The following FMNL3 variants were observed in gnomAD, a reference collection of about 807,000 sequenced individuals.
FMNL3 encodes the protein formin-like protein 3.
In FMNL3, 57 loss-of-function variants were observed where a neutral mutation model predicts 119.6. That is an observed-to-expected ratio of 0.48 (90% CI 0.39 to 0.59). FMNL3 has a LOEUF of 0.59. Among genes scored for constraint, FMNL3 ranks in the 20% least tolerant of loss-of-function variants. The pLI, the probability that FMNL3 is intolerant of heterozygous loss-of-function variation, is 0.00. For missense variants in FMNL3, 1,053 were observed against 1,323.5 expected, an observed-to-expected ratio of 0.80 and a Z score of 3.17; for synonymous variants, 491 against 507.3, an observed-to-expected ratio of 0.97 and a Z score of 0.43.
At chr12:49,651,048 T>C (rs1010608134) in intron 16 of FMNL3, 120 bp downstream of exon 16, 8 of 1,485,470 alleles carry the variant, frequency 5.4e-6, no homozygotes, top group Non-Finnish European at 7.4e-6. Context: ...GAATGAAGGG[T>C]TGGTGGAGCT....
At position 49,640,808 on chromosome 12, in the gene FMNL3, T is replaced by C. The variant is rs1283425092; in HGVS notation, c.*5007A>G. ...ATGGAAAAGAGCAGAGGTAGTTAGC[T>C]TGATGAAGGGGAGAGCATGGTGGAA... is the stretch of plus-strand genomic sequence containing the variant. On this transcript the variant is annotated 3_prime_UTR_variant, in exon 26 of 26. Coordinates refer to ENST00000335154, the MANE Select transcript of FMNL3 (RefSeq NM_175736.5). 3 of 152,232 alleles carry C rather than the reference T, an allele frequency of 2.0e-5. No individual in the cohort carries two copies. The highest frequency in any genetic ancestry group is 4.4e-5 in the Non-Finnish European group (3 of 68,046). The allele number at this position is 152,232 out of a possible 1,614,324, so 9.4% of individuals were successfully genotyped here.
At chr12:49,657,538 C>T (rs1943608671) in intron 6 of FMNL3, among the ~76,000 whole-genome samples, 1 of 152,178 alleles carries the variant, frequency 6.6e-6, no homozygotes, top group Non-Finnish European at 1.5e-5. Flanking sequence ...CACCCACTTC[C>T]AGTTGCTGCA....
intron 1 of FMNL3, among the ~76,000 whole-genome samples, chr12:49,701,078 C>CAAAAAAA (rs61171112): frequency 2.6e-5 from 2 of 75,990 alleles, no homozygotes; most frequent in African/African-American, 3.8e-5. Context: ...GACTCCATCT[C>CAAAAAAA]AAAAAAAAAA....
chr12:49,637,449 A>G lies in FMNL3; in HGVS notation c.*8366T>C, dbSNP rs369877812. ...TGCCTCCCTGTCTCACTCTCCCTAT[A>G]ACTGGCCTCTCCCTGCTCAGACCTT... On this transcript the variant is annotated 3_prime_UTR_variant, in exon 26 of 26. Transcript: ENST00000335154. 65 of 1,571,072 alleles carry G rather than the reference A, an allele frequency of 4.1e-5. 1 individual carries two copies. In the South Asian group the frequency reaches 6.5e-4, roughly 16 times the overall value.
intron 1 of FMNL3, among the ~76,000 whole-genome samples, chr12:49,675,979 A>G (rs1465999512): frequency 1.3e-5 from 2 of 151,952 alleles, no homozygotes; most frequent in East Asian, 3.9e-4. Flanking sequence ...TAACCCTAGG[A>G]TTTGCTTGTG....
chr12:49,660,399 T>C (rs1943697808), intron 5 of FMNL3, among the ~76,000 whole-genome samples: 1 of 152,234 alleles, frequency 6.6e-6, no homozygotes, highest in African/African-American at 2.4e-5. Flanking sequence ...CTATAAAAGC[T>C]CTGAATTTTT....
At chr12:49,661,425 T>C (rs1943729522) in intron 5 of FMNL3, among the ~76,000 whole-genome samples, 1 of 152,226 alleles carries the variant, frequency 6.6e-6, no homozygotes. Context: ...GGCCGCCTTT[T>C]CTGTGCTAAC....
In FMNL3 at chr12:49,649,923, A is replaced by T; in HGVS notation, c.2003T>A (p.Phe668Tyr). 1 of 1,612,962 alleles carries T rather than the reference A, an allele frequency of 6.2e-7. No individual in the cohort carries two copies. The highest frequency in any genetic ancestry group is 1.1e-5 in the South Asian group (1 of 91,026). ...GTCCACAGGTAGTGTCTGCAAGTCA[A>T]ACCTGTGGAGGAGGGAGGGACCACC... is the stretch of plus-strand genomic sequence containing the variant. Reference protein sequence around the residue: ...AEEICRAIHTFDLQTLPVDFV... With the variant: ...AEEICRAIHTYDLQTLPVDFV... The change falls in exon 18 of 26, where the codon TTT (phenylalanine) becomes TAT (tyrosine). Residue 668 changes from phenylalanine to tyrosine, a missense_variant and splice_region_variant. Physicochemically the swap from Phe to Tyr is conservative, Grantham distance 22 (BLOSUM62 3). This residue lies in a region of FMNL3 where 445 missense variants were observed against 628.4 expected (regional missense o/e 0.71). Coordinates refer to ENST00000335154, the MANE Select transcript of FMNL3 (RefSeq NM_175736.5). The surrounding 1 kb of genome is among the most constrained non-coding windows in gnomAD (Gnocchi z 5.6).
Position 49,644,170 on chromosome 12 carries a change from A to C in FMNL3, c.*1645T>G. The C allele has an allele frequency of 1.9e-6, 3 of 1,614,118 alleles. No individual in the cohort carries two copies. Among genetic ancestry groups the C allele is most frequent in the Non-Finnish European group, 2.5e-6 (3 of 1,180,034 alleles). On this transcript the variant is annotated 3_prime_UTR_variant, in exon 26 of 26. Transcript: ENST00000335154. Reference sequence around the variant, plus strand: ...GAGAGGCGGCGGCGGACACTCCTACAGCAGCTGGATGATCACCAGTGACCC... The same window carrying C: ...GAGAGGCGGCGGCGGACACTCCTACCGCAGCTGGATGATCACCAGTGACCC...
At chr12:49,670,888 T>C (rs892796637) in intron 1 of FMNL3, among the ~76,000 whole-genome samples, 2 of 152,234 alleles carry the variant, frequency 1.3e-5, no homozygotes, top group Non-Finnish European at 2.9e-5. Context: ...AGCCTAACTG[T>C]GGCCAGGCTG....
chr12:49,636,514 T>G lies in FMNL3; in HGVS notation c.*9301A>C, dbSNP rs769334763. The G allele has an allele frequency of 1.2e-5, 7 of 565,036 alleles. No homozygotes were observed. The highest frequency in any genetic ancestry group is 1.8e-5 in the Non-Finnish European group (6 of 324,368). 35.0% of individuals were successfully genotyped at this position (565,036 alleles called of 1,614,324 possible). A position where few individuals can be genotyped will look rare whatever the true frequency, so the allele number is the denominator to read the frequency against. ...TCACAAGAGCTGAATACTTGCTTAT[T>G]TATTCTTATACAATTAATGATCCCC... On this transcript the variant is annotated 3_prime_UTR_variant, in exon 26 of 26. Transcript: ENST00000335154.
Position 49,691,728 on chromosome 12 carries a change from T to C in FMNL3, c.126+15327A>G, listed in dbSNP as rs533022747. 5.3e-5 allele frequency among the ~76,000 whole-genome samples: 8 copies of C among 152,130 alleles called. No homozygotes were observed. The East Asian group carries it at 1.5e-3, about 29-fold the overall frequency. ...GAAAAGTAAGAGAGGAGCCTTTTTT[T>C]TCCCCCCATTAAAAGTTGGGTCTGG... is the stretch of plus-strand genomic sequence containing the variant. On this transcript the variant is annotated intron_variant, in intron 1 of 25. Transcript: ENST00000335154.
At chr12:49,677,489 A>C (rs533960908) in intron 1 of FMNL3, among the ~76,000 whole-genome samples, 34 of 152,366 alleles carry the variant, frequency 2.2e-4, no homozygotes, top group Admixed American at 7.8e-4. Flanking sequence ...TACTTACCCC[A>C]TAGTGTTGCT....
chr12:49,698,207 T>C (rs952241882), intron 1 of FMNL3, among the ~76,000 whole-genome samples: 2 of 152,172 alleles, frequency 1.3e-5, no homozygotes, highest in Non-Finnish European at 2.9e-5. Flanking sequence ...GTATCTTCCC[T>C]GTTGGTGTGT....
At chr12:49,653,394 CTA>C in intron 12 of FMNL3, 67 bp from the exon 13 acceptor site, 1 of 1,524,972 alleles carries the variant, frequency 6.6e-7, no homozygotes, top group South Asian at 1.1e-5. Flanking sequence ...AGCCTGAACC[CTA>C]GTCAAGACCT....
At chr12:49,699,571 CG>C (rs1944846094) in intron 1 of FMNL3, among the ~76,000 whole-genome samples, 1 of 152,132 alleles carries the variant, frequency 6.6e-6, no homozygotes, top group Admixed American at 6.5e-5. Context: ...AAGAAAGTAA[CG>C]GGCAGGAAGC....
At chr12:49,659,884 A>G in intron 5 of FMNL3, 1 of 985,458 alleles carries the variant, frequency 1.0e-6, no homozygotes, top group Middle Eastern at 5.2e-4. Flanking sequence ...CTAAGGGAGC[A>G]TCTCTTACAG....
chr12:49,647,722 C>A lies in FMNL3; in HGVS notation c.2759G>T (p.Arg920Leu). The change falls in exon 23 of 26, where the codon CGA becomes CTA. Residue 920 changes from arginine to leucine, a missense_variant. Physicochemically the swap from Arg to Leu is moderately radical, Grantham distance 102. Around this residue, in one of 4 missense-constraint regions of FMNL3, gnomAD observed 324 missense variants for 380.9 expected, o/e 0.85. Coordinates refer to ENST00000335154, the MANE Select transcript of FMNL3 (RefSeq NM_175736.5). This position sits in a 1 kb window ranked among gnomAD's most constrained non-coding sequence, Gnocchi z 4.9. Reference sequence around the variant, plus strand: ...GCTTACCTTGTAAGAACGAATGAATCGGACAAATACTGGGAAGAATACAGA... The same window carrying A: ...GCTTACCTTGTAAGAACGAATGAATAGGACAAATACTGGGAAGAATACAGA... ...PPSVFFPVFV[R>L]FIRSYKEAEQ... 1 of 1,614,088 alleles carries A rather than the reference C, an allele frequency of 6.2e-7. No individual in the cohort carries two copies. The highest frequency in any genetic ancestry group is 1.1e-5 in the South Asian group (1 of 91,078).
intron 1 of FMNL3, among the ~76,000 whole-genome samples, chr12:49,703,627 A>T (rs1944968578): frequency 6.6e-6 from 1 of 152,184 alleles, no homozygotes; most frequent in African/African-American, 2.4e-5. Context: ...TAAGGGGATC[A>T]GTATTCCAGC....
Sources: gnomAD v4.1 joint callset for allele counts (sites outside exome capture counted in the v4.1 genomes callset) on GRCh38, gnomAD v4.1.1 for gene constraint, gnomAD v4.1.1 regional missense constraint, Gnocchi (gnomAD v3.1) non-coding constraint, MANE v1.5 for transcripts, NCBI Gene and HGNC (gene_info 2026-07-23, HGNC 2026-07-21) for gene names.